The following DOCK2 variants were observed in gnomAD, a reference collection of about 807,000 sequenced individuals.
The protein encoded by DOCK2 is dedicator of cytokinesis 2, also known as dedicator of cytokinesis protein 2.
Under a neutral mutation model 248.9 loss-of-function variants are expected in DOCK2, and 87 were observed. The ratio of observed to expected loss-of-function variants is 0.35; its 90% confidence interval spans 0.29 to 0.42. The LOEUF is 0.42. DOCK2 is among the 10% of genes least tolerant of loss of function. The pLI is 1.00. For synonymous variants in DOCK2, 805 were observed against 821.6 expected (o/e 0.98, Z 0.35); for missense variants, 1,747 against 2,300.2 (o/e 0.76, Z 4.92).
intron 8 of DOCK2, among the ~76,000 whole-genome samples, chr5:169,685,617 G>A (rs1402857708): frequency 2.0e-5 from 3 of 152,304 alleles, no homozygotes; most frequent in Non-Finnish European, 4.4e-5. Flanking sequence ...ATGTCTTCCT[G>A]GCTTGTTGTT....
At chr5:170,028,201 A>G (rs1326351415) in intron 34 of DOCK2, among the ~76,000 whole-genome samples, 1 of 152,200 alleles carries the variant, frequency 6.6e-6, no homozygotes, top group Admixed American at 6.5e-5. Context: ...ATAATTTACC[A>G]AAATGTCTAC....
rs193204082 is a variant in DOCK2, at chr5:170,036,679, G to A, written c.3665+124G>A. 771 of 873,662 alleles carry A rather than the reference G, an allele frequency of 8.8e-4. 3 individuals carry two copies. The African/African-American group carries it at 9.5e-3, about 11-fold the overall frequency. The allele number at this position is 873,662 out of a possible 1,614,324, so 54.1% of individuals were successfully genotyped here. A position where few individuals can be genotyped will look rare whatever the true frequency, so the allele number is the denominator to read the frequency against. On this transcript the variant is annotated intron_variant, in intron 36 of 51. Transcript: ENST00000520908. Reference sequence around the variant, plus strand: ...TCTCTTCTTGACATTCAGGCCCTCTGTGTTCTGATTCCTGTCAATTTCTCC... The same window carrying A: ...TCTCTTCTTGACATTCAGGCCCTCTATGTTCTGATTCCTGTCAATTTCTCC...
chr5:169,836,838 G>GAA (rs550506818), intron 26 of DOCK2, among the ~76,000 whole-genome samples: 2 of 148,872 alleles, frequency 1.3e-5, no homozygotes, highest in Admixed American at 1.3e-4. Flanking sequence ...AAAGAAAAAT[G>GAA]AAAAAAAAAG....
intron 25 of DOCK2, among the ~76,000 whole-genome samples, chr5:169,777,005 T>C (rs1371951807): frequency 6.6e-6 from 1 of 152,250 alleles, no homozygotes; most frequent in Non-Finnish European, 1.5e-5. Context: ...GTTCATTTCA[T>C]TGTATGCTAG....
chr5:169,676,930 A>G (rs1759363658), intron 6 of DOCK2, among the ~76,000 whole-genome samples: 1 of 152,224 alleles, frequency 6.6e-6, no homozygotes, highest in Non-Finnish European at 1.5e-5. Flanking sequence ...ATAACTTCTG[A>G]AGCGCTCACT....
At chr5:169,942,795 G>T (rs1776293711) in intron 27 of DOCK2, among the ~76,000 whole-genome samples, 1 of 152,192 alleles carries the variant, frequency 6.6e-6, no homozygotes, top group Non-Finnish European at 1.5e-5. Context: ...TAACTGTCAG[G>T]AACCTCAGTC....
chr5:169,963,754 C>G (rs1013639601), intron 27 of DOCK2, among the ~76,000 whole-genome samples: 1 of 152,132 alleles, frequency 6.6e-6, no homozygotes, highest in African/African-American at 2.4e-5. Flanking sequence ...CTTCCTTCCC[C>G]CTAGCATCAT....
chr5:170,070,556 G>T (rs1223390106), intron 46 of DOCK2, among the ~76,000 whole-genome samples: 2 of 152,116 alleles, frequency 1.3e-5, no homozygotes, highest in Admixed American at 6.5e-5. Flanking sequence ...TTCTGGGGTC[G>T]TCATGCCCTT....
chr5:169,772,850 A>T (rs1044090202), intron 25 of DOCK2: 3 of 152,208 alleles, frequency 2.0e-5, no homozygotes, highest in Non-Finnish European at 4.4e-5. Flanking sequence ...AGGCCATTTT[A>T]TAGAACCTTA....
At chr5:169,755,697 T>C (rs954132211) in intron 23 of DOCK2, among the ~76,000 whole-genome samples, 12 of 152,158 alleles carry the variant, frequency 7.9e-5, no homozygotes, top group Non-Finnish European at 1.6e-4. Context: ...TGAGCAGAGA[T>C]TGTGCCACTG....
intron 1 of DOCK2, among the ~76,000 whole-genome samples, chr5:169,644,753 T>C (rs369454867): frequency 6.6e-6 from 1 of 151,994 alleles, no homozygotes; most frequent in East Asian, 1.9e-4. Flanking sequence ...TTAAGCCCCA[T>C]ATGCATTAGC....
intron 26 of DOCK2, among the ~76,000 whole-genome samples, chr5:169,806,393 C>A (rs996795280): frequency 5.9e-5 from 9 of 152,026 alleles, no homozygotes; most frequent in Non-Finnish European, 1.2e-4. Flanking sequence ...AAGTGATCCT[C>A]CTGCCTTGGC....
At chr5:169,714,925 G>T (rs1761818851) in intron 19 of DOCK2, among the ~76,000 whole-genome samples, 1 of 152,028 alleles carries the variant, frequency 6.6e-6, no homozygotes, top group African/African-American at 2.4e-5. Context: ...ATATGTATAT[G>T]CATATATATG....
chr5:169,870,145 C>T (rs1771861378), intron 27 of DOCK2, among the ~76,000 whole-genome samples: 2 of 152,138 alleles, frequency 1.3e-5, no homozygotes, highest in Non-Finnish European at 2.9e-5. Flanking sequence ...TAGAGCCCTT[C>T]ACATCCAAGG....
intron 5 of DOCK2, among the ~76,000 whole-genome samples, chr5:169,673,970 C>G (rs1759187001): frequency 6.6e-6 from 1 of 152,198 alleles, no homozygotes; most frequent in African/African-American, 2.4e-5. Context: ...CCTCAAAAGG[C>G]CTGAGCTCTG....
intron 3 of DOCK2, 136 bp from the exon 4 acceptor site, chr5:169,670,406 G>T: frequency 9.9e-7 from 1 of 1,010,428 alleles, no homozygotes; most frequent in South Asian, 1.8e-5. Context: ...CTGGCTCTGG[G>T]TTTATTCCTT....
At position 169,712,275 on chromosome 5, in the gene DOCK2, G is replaced by C. The variant is rs77856207; in HGVS notation, c.1659+52G>C. On this transcript the variant is annotated intron_variant, in intron 17 of 51. Coordinates refer to ENST00000520908, the MANE Select transcript of DOCK2 (RefSeq NM_004946.3). The stretch of plus-strand genomic sequence containing the variant: ...ACTGAGGGGAGTGCAGGAAGAAAGG[G>C]GGTGATGGCAAAATTGCTTAGTGGT... 4.5e-6 allele frequency: 7 copies of C among 1,555,612 alleles called. No homozygotes were observed. In the East Asian group the frequency reaches 1.1e-4, roughly 25 times the overall value.
chr5:169,851,391 T>C (rs1770611407), intron 27 of DOCK2, among the ~76,000 whole-genome samples: 1 of 152,190 alleles, frequency 6.6e-6, no homozygotes, highest in African/African-American at 2.4e-5. Flanking sequence ...TTCCATCCCA[T>C]GATTAGCTGC....
chr5:170,016,960 C>T (rs981709823), intron 32 of DOCK2, among the ~76,000 whole-genome samples: 1 of 152,162 alleles, frequency 6.6e-6, no homozygotes, highest in African/African-American at 2.4e-5. Flanking sequence ...TAAGTGTAAT[C>T]CAAATGCATC....
Sources: allele counts gnomAD v4.1 joint callset (sites outside exome capture counted in the v4.1 genomes callset), GRCh38; gene constraint gnomAD v4.1.1; transcripts MANE v1.5; gene names NCBI Gene and HGNC (gene_info 2026-07-23, HGNC 2026-07-21).